Variants in TMEM108 observed in about 807,000 individuals in gnomAD.
The protein encoded by TMEM108 is transmembrane protein 108, also known as cancer/testis antigen 124.
In TMEM108, 12 loss-of-function variants were observed where a neutral mutation model predicts 35.1. The ratio of observed to expected loss-of-function variants is 0.34; its 90% CI spans 0.22 to 0.55. The LOEUF (loss-of-function observed/expected upper bound fraction) is 0.55, where lower values mean the gene tolerates loss of function less well. Among genes scored for constraint, TMEM108 ranks in the 20% least tolerant of loss-of-function variants. The probability of loss-of-function intolerance (pLI) is 0.89; values close to 1 mark genes in which losing one functional copy is unlikely to be tolerated. For missense variants in TMEM108, 680 were observed against 753.3 expected, an observed-to-expected ratio of 0.90 and a Z score of 1.14; for synonymous variants, 287 against 308.6, an observed-to-expected ratio of 0.93 and a Z score of 0.73.
In TMEM108 at chr3:133,180,874, C is replaced by T. The variant is rs974774312; in HGVS notation, c.-46-48392C>T. ...ATCTTCTACTTCTTTCAGTCTTTGG[C>T]CTCCCAGTAAATTCCAATTTCAAAC... On this transcript the variant is annotated intron_variant, in intron 2 of 5. Transcript: ENST00000321871. 9.2e-5 allele frequency among the ~76,000 whole-genome samples: 14 copies of T among 152,016 alleles called. No homozygotes were observed. In the East Asian group the frequency reaches 2.5e-3, roughly 27 times the overall value.
chr3:133,165,569 G>GT (rs1438910420), intron 2 of TMEM108, among the ~76,000 whole-genome samples: 1 of 152,150 alleles, frequency 6.6e-6, no homozygotes, highest in Non-Finnish European at 1.5e-5. Context: ...GTTTATGTGT[G>GT]TTTCAGTCTG....
chr3:133,223,218 C>A (rs960328943), intron 2 of TMEM108, among the ~76,000 whole-genome samples: 1 of 152,194 alleles, frequency 6.6e-6, no homozygotes, highest in African/African-American at 2.4e-5. Context: ...CCAGTATTTG[C>A]AGACTTGCTT....
At chr3:133,224,924 T>G (rs1443943336) in intron 2 of TMEM108, among the ~76,000 whole-genome samples, 2 of 152,168 alleles carry the variant, frequency 1.3e-5, no homozygotes, top group Non-Finnish European at 2.9e-5. Flanking sequence ...GCTACCATCT[T>G]TTGGAGTTGC....
chr3:133,366,518 A>G (rs2072504561), intron 3 of TMEM108, among the ~76,000 whole-genome samples: 1 of 152,176 alleles, frequency 6.6e-6, no homozygotes, highest in South Asian at 2.1e-4. Flanking sequence ...CATGTGCAAT[A>G]TGCTCCACCC....
chr3:133,384,775 G>T (rs2073103294), intron 4 of TMEM108, among the ~76,000 whole-genome samples: 1 of 152,156 alleles, frequency 6.6e-6, no homozygotes, highest in Non-Finnish European at 1.5e-5. Context: ...GCTCTGTCAG[G>T]GTCCTTTGCC....
intron 3 of TMEM108, chr3:133,303,344 G>C (rs1197906397): frequency 6.6e-6 from 1 of 152,124 alleles, no homozygotes; most frequent in Non-Finnish European, 1.5e-5. Flanking sequence ...TGGGGTAAGT[G>C]GGTAAGTTTG....
intron 3 of TMEM108, among the ~76,000 whole-genome samples, chr3:133,285,445 G>T (rs983408876): frequency 1.3e-5 from 2 of 152,148 alleles, no homozygotes; most frequent in Non-Finnish European, 2.9e-5. Flanking sequence ...TCTCCACTGG[G>T]ACAGCAGTCT....
intron 3 of TMEM108, among the ~76,000 whole-genome samples, chr3:133,319,730 A>G (rs1441836980): frequency 6.6e-6 from 1 of 152,130 alleles, no homozygotes; most frequent in Non-Finnish European, 1.5e-5. Context: ...CCTAGCGCCA[A>G]CCCAGAGCCT....
chr3:133,381,947 G>T (rs1463863089), intron 4 of TMEM108, among the ~76,000 whole-genome samples: 1 of 152,058 alleles, frequency 6.6e-6, no homozygotes, highest in East Asian at 1.9e-4. Context: ...AAGGCCACCA[G>T]CTTCTCCTTG....
At chr3:133,121,965 AGAG>A (rs1490163187) in intron 2 of TMEM108, among the ~76,000 whole-genome samples, 1 of 152,182 alleles carries the variant, frequency 6.6e-6, no homozygotes, top group East Asian at 1.9e-4. Flanking sequence ...CCAGTGAAGA[AGAG>A]AAGTTTCTCT....
chr3:133,361,976 T>C (rs560260710), intron 3 of TMEM108, among the ~76,000 whole-genome samples: 1 of 152,242 alleles, frequency 6.6e-6, no homozygotes, highest in South Asian at 2.1e-4. Flanking sequence ...TAGGACCAAA[T>C]AAATGATATG....
At chr3:133,101,431 T>A (rs748460108) in intron 2 of TMEM108, among the ~76,000 whole-genome samples, 65 of 152,318 alleles carry the variant, frequency 4.3e-4, no homozygotes, top group Non-Finnish European at 8.1e-4. Flanking sequence ...TACATAGGAA[T>A]TCATCACATC....
chr3:133,283,363 T>G (rs750462477), intron 3 of TMEM108, among the ~76,000 whole-genome samples: 6 of 152,132 alleles, frequency 3.9e-5, no homozygotes, highest in Non-Finnish European at 5.9e-5. Flanking sequence ...AACCATGTAT[T>G]CCATCCTGGA....
chr3:133,227,472 C>T (rs1470981971), intron 2 of TMEM108, among the ~76,000 whole-genome samples: 1 of 147,556 alleles, frequency 6.8e-6, no homozygotes, highest in Non-Finnish European at 1.5e-5. Flanking sequence ...GGATTACAGG[C>T]GTGAGCCACC....
At chr3:133,127,447 C>G (rs1347028663) in intron 2 of TMEM108, among the ~76,000 whole-genome samples, 2 of 151,958 alleles carry the variant, frequency 1.3e-5, no homozygotes, top group Admixed American at 6.6e-5. Flanking sequence ...AAGAGAATCT[C>G]ATTTCGTAAG....
intron 3 of TMEM108, among the ~76,000 whole-genome samples, chr3:133,252,628 G>A (rs1008919577): frequency 6.6e-6 from 1 of 152,142 alleles, no homozygotes; most frequent in Non-Finnish European, 1.5e-5. Context: ...AAGAGGAAGA[G>A]AGTTTGAGAG....
chr3:133,376,849 A>G (rs1411173962), intron 3 of TMEM108, among the ~76,000 whole-genome samples: 3 of 152,204 alleles, frequency 2.0e-5, no homozygotes, highest in African/African-American at 7.2e-5. Flanking sequence ...ATCTCTTAAC[A>G]TAAGGCATGT....
intron 2 of TMEM108, among the ~76,000 whole-genome samples, chr3:133,118,728 G>A (rs892933977): frequency 6.6e-6 from 1 of 152,178 alleles, no homozygotes; most frequent in African/African-American, 2.4e-5. Context: ...GCGGCGGGCT[G>A]AACCACTGGT....
intron 3 of TMEM108, among the ~76,000 whole-genome samples, chr3:133,315,083 T>A (rs1367301683): frequency 6.6e-6 from 1 of 152,240 alleles, no homozygotes; most frequent in East Asian, 1.9e-4. Flanking sequence ...TAGGTTGTTG[T>A]AAGAACTAAA....
Sources: allele counts gnomAD v4.1 joint callset (sites outside exome capture counted in the v4.1 genomes callset), GRCh38; gene constraint gnomAD v4.1.1; transcripts MANE v1.5; gene names NCBI Gene and HGNC (gene_info 2026-07-23, HGNC 2026-07-21).